Variants in IGF1R observed in about 807,000 individuals in gnomAD.
The protein encoded by IGF1R is insulin like growth factor 1 receptor, also known as insulin-like growth factor 1 receptor.
IGF1R carries 44 observed loss-of-function variants against 144.6 expected under a neutral mutation model. The observed-to-expected ratio is 0.30, with a 90% CI of 0.24 to 0.39. The LOEUF (loss-of-function observed/expected upper bound fraction) is 0.39. Among genes scored for constraint, IGF1R ranks in the 10% least tolerant of loss-of-function variants. The pLI, the probability that IGF1R is intolerant of heterozygous loss-of-function variation, is 1.00. For missense variants in IGF1R, 1,355 were observed against 1,833.7 expected (o/e 0.74, Z 4.77); for synonymous variants, 795 against 722.8 (o/e 1.10, Z -1.60).
At chr15:98,813,745 G>A (rs557510260) in intron 2 of IGF1R, among the ~76,000 whole-genome samples, 25 of 152,348 alleles carry the variant, frequency 1.6e-4, no homozygotes, top group African/African-American at 5.5e-4. Flanking sequence ...TTTACTGGAT[G>A]CAGAGCGGCC....
chr15:98,836,963 G>C (rs1432500206), intron 2 of IGF1R, among the ~76,000 whole-genome samples: 1 of 152,184 alleles, frequency 6.6e-6, no homozygotes, highest in Non-Finnish European at 1.5e-5. Context: ...TCTTAGCCTT[G>C]AACACTTGAT....
intron 13 of IGF1R, among the ~76,000 whole-genome samples, chr15:98,928,115 T>G (rs2015793812): frequency 6.6e-6 from 1 of 152,162 alleles, no homozygotes; most frequent in South Asian, 2.1e-4. Context: ...ATTCTGCCTC[T>G]TAAATGTCTC....
intron 2 of IGF1R, among the ~76,000 whole-genome samples, chr15:98,721,462 ACT>A (rs911008782): frequency 6.6e-5 from 10 of 152,170 alleles, no homozygotes; most frequent in African/African-American, 1.9e-4. Context: ...GCTTGACCCC[ACT>A]TAGTGTCTGA....
chr15:98,942,810 G>A (rs539218884), intron 18 of IGF1R, 113 bp from the exon 19 acceptor site: 64 of 1,379,674 alleles, frequency 4.6e-5, no homozygotes, highest in Middle Eastern at 3.6e-4. Flanking sequence ...AAAGTGGGAC[G>A]TGTCTGTGTC....
chr15:98,849,095 A>AAC (rs1401256246), intron 2 of IGF1R, among the ~76,000 whole-genome samples: 3 of 152,216 alleles, frequency 2.0e-5, no homozygotes, highest in Non-Finnish European at 4.4e-5. Context: ...AAAACAAACA[A>AAC]ACAAAAAACT....
At chr15:98,902,415 C>CTTTT (rs11434197) in intron 5 of IGF1R, among the ~76,000 whole-genome samples, 9 of 119,822 alleles carry the variant, frequency 7.5e-5, no homozygotes, top group Non-Finnish European at 1.0e-4. Flanking sequence ...TTTTCTTGAA[C>CTTTT]TTTTTTTTTT....
At chr15:98,771,750 T>A (rs973121851) in intron 2 of IGF1R, among the ~76,000 whole-genome samples, 2 of 152,074 alleles carry the variant, frequency 1.3e-5, no homozygotes, top group African/African-American at 4.8e-5. Flanking sequence ...GGGAAAAAAT[T>A]TAAGGTTACG....
At chr15:98,849,334 G>A (rs540354590) in intron 2 of IGF1R, among the ~76,000 whole-genome samples, 1 of 152,276 alleles carries the variant, frequency 6.6e-6, no homozygotes. Flanking sequence ...GTAAATTATG[G>A]CCCAATCATG....
intron 13 of IGF1R, among the ~76,000 whole-genome samples, chr15:98,929,000 T>A (rs1040810907): frequency 2.0e-5 from 3 of 152,194 alleles, no homozygotes; most frequent in African/African-American, 4.8e-5. Flanking sequence ...ATGTAGACTG[T>A]ACATAGATGT....
At chr15:98,724,086 C>T (rs1338910593) in intron 2 of IGF1R, among the ~76,000 whole-genome samples, 2 of 152,130 alleles carry the variant, frequency 1.3e-5, no homozygotes, top group Non-Finnish European at 2.9e-5. Context: ...TCTTCTAGGA[C>T]TTTATTTTGT....
At chr15:98,926,017 A>G (rs1184099632) in intron 13 of IGF1R, among the ~76,000 whole-genome samples, 2 of 152,104 alleles carry the variant, frequency 1.3e-5, no homozygotes, top group East Asian at 1.9e-4. Context: ...CTGCACTCCC[A>G]TGTTCACTGC....
At chr15:98,740,094 T>C (rs1295518520) in intron 2 of IGF1R, among the ~76,000 whole-genome samples, 1 of 152,246 alleles carries the variant, frequency 6.6e-6, no homozygotes, top group Non-Finnish European at 1.5e-5. Context: ...TAGTGCCATT[T>C]TCTACTTAAA....
chr15:98,707,993 A>G lies in IGF1R; in HGVS notation c.526A>G (p.Lys176Glu), dbSNP rs1413424650. The G allele has an allele frequency of 1.2e-6, 2 of 1,614,110 alleles. No homozygotes were observed. The highest frequency in any genetic ancestry group is 1.7e-6 in the Non-Finnish European group (2 of 1,179,988). ...CTACATTGTGGGGAATAAGCCCCCA[A>G]AGGAATGTGGGGACCTGTGTCCAGG... ...NNYIVGNKPPKECGDLCPGTM... is the reference protein window; with the variant it reads ...NNYIVGNKPPEECGDLCPGTM... Residue 176 changes from lysine (K) to glutamate (E), a missense_variant, in exon 2 of 21, where the codon AAG becomes GAG. By Grantham distance (56) the Lys-to-Glu change is moderately conservative. This residue lies in a region of IGF1R where 880 missense variants were observed against 1,202.7 expected (regional missense o/e 0.73). Transcript: ENST00000650285. The surrounding 1 kb of genome is among the most constrained non-coding windows in gnomAD (Gnocchi z 6.7).
intron 2 of IGF1R, among the ~76,000 whole-genome samples, chr15:98,846,401 G>A (rs945282352): frequency 6.6e-6 from 1 of 152,202 alleles, no homozygotes; most frequent in East Asian, 1.9e-4. Flanking sequence ...GAACAGACGA[G>A]TAGAGAATTT....
chr15:98,908,076 A>G (rs1171206915), intron 5 of IGF1R, among the ~76,000 whole-genome samples: 3 of 152,234 alleles, frequency 2.0e-5, no homozygotes, highest in Non-Finnish European at 4.4e-5. Flanking sequence ...GAGAGGCCCA[A>G]GAGCACTGCA....
At chr15:98,889,389 C>G (rs28550230) in intron 2 of IGF1R, among the ~76,000 whole-genome samples, 30,641 of 152,136 alleles carry the variant, frequency 0.2, 3,659 homozygotes, top group East Asian at 0.41. Flanking sequence ...CCGGTACAAA[C>G]TTTCTAGAGG....
chr15:98,865,001 C>T (rs189498739), intron 2 of IGF1R, among the ~76,000 whole-genome samples: 1 of 152,204 alleles, frequency 6.6e-6, no homozygotes, highest in East Asian at 1.9e-4. Flanking sequence ...TTTTAGGAGT[C>T]TGAAATGTAG....
chr15:98,817,194 C>T lies in IGF1R; in HGVS notation c.641-74131C>T, dbSNP rs527680250. Among the ~76,000 whole-genome samples the T allele has an allele frequency of 3.0e-4, 46 of 151,964 alleles. 2 individuals carry two copies. In the South Asian group the frequency reaches 8.5e-3, roughly 28 times the overall value. ...GCCCATGCTTGTAATCCCAGCTACT[C>T]GGGAGTCTGAAGCAGGAGAATGGCT... On this transcript the variant is annotated intron_variant, in intron 2 of 20. Coordinates refer to ENST00000650285, the MANE Select transcript of IGF1R (RefSeq NM_000875.5).
At chr15:98,858,028 G>A (rs2011928836) in intron 2 of IGF1R, among the ~76,000 whole-genome samples, 1 of 152,168 alleles carries the variant, frequency 6.6e-6, no homozygotes, top group Non-Finnish European at 1.5e-5. Context: ...AGAACTATAA[G>A]ACAAGCAAGT....
Sources: gnomAD v4.1 joint callset for allele counts (sites outside exome capture counted in the v4.1 genomes callset) on GRCh38, gnomAD v4.1.1 for gene constraint, gnomAD v4.1.1 regional missense constraint, Gnocchi (gnomAD v3.1) non-coding constraint, MANE v1.5 for transcripts, NCBI Gene and HGNC (gene_info 2026-07-23, HGNC 2026-07-21) for gene names.